The following USP32 variants were observed in gnomAD, a reference collection of about 807,000 sequenced individuals.
The protein encoded by USP32 is ubiquitin specific peptidase 32.
Under a neutral mutation model 204.8 loss-of-function variants are expected in USP32, and 59 were observed. That is an observed-to-expected ratio of 0.29 (90% CI 0.23 to 0.36). USP32 has a LOEUF of 0.36. USP32 is among the 10% of genes least tolerant of loss of function. The pLI is 1.00. For missense variants in USP32, 1,160 were observed against 1,946.4 expected, an observed-to-expected ratio of 0.60 and a Z score of 7.60; for synonymous variants, 517 against 678.4, an observed-to-expected ratio of 0.76 and a Z score of 3.70.
rs569143215 is a variant in USP32, at chr17:60,418,396, G to GTTT, written c.106+3847_106+3849dup. ...GTGTGAGCCACCGTGCCTGGCCTCT[G>GTTT]TTTTTTTTTTTTTTTTTTTTACTAT... On this transcript the variant is annotated intron_variant, in intron 1 of 3. Transcript: ENST00000588898. 8.9e-3 allele frequency among the ~76,000 whole-genome samples: 1,049 copies of GTTT among 118,392 alleles called. 26 individuals carry two copies. Among genetic ancestry groups the GTTT allele is most frequent in the African/African-American group, 0.028 (903 of 32,168 alleles). The allele number at this position is 118,392 out of a possible 152,430, so 77.7% of individuals were successfully genotyped here. A position where few individuals can be genotyped will look rare whatever the true frequency, so the allele number is the denominator to read the frequency against.
At chr17:60,187,487 G>A (rs1031679945) in intron 29 of USP32, among the ~76,000 whole-genome samples, 4 of 152,164 alleles carry the variant, frequency 2.6e-5, no homozygotes, top group African/African-American at 4.8e-5. Flanking sequence ...CTGCATCATC[G>A]TTGTTGGAAT....
rs375785521 is a variant in USP32 at position 60,254,715 on chromosome 17, A to G, written c.1074+460T>C. 2.0e-5 allele frequency among the ~76,000 whole-genome samples: 3 copies of G among 152,258 alleles called. No individual in the cohort carries two copies. In the East Asian group the frequency reaches 5.8e-4, roughly 29 times the overall value. ...TGCTGTCTCAAAATTAAAAATAATA[A>G]TGATAATAATAATAAAAGAAAAGAA... On this transcript the variant is annotated intron_variant, in intron 10 of 33. Transcript: ENST00000300896.
chr17:60,320,038 CT>C (rs1199975660), intron 2 of USP32, among the ~76,000 whole-genome samples: 2 of 152,146 alleles, frequency 1.3e-5, no homozygotes, highest in Non-Finnish European at 2.9e-5. Context: ...CATTGGAACT[CT>C]TCTCTCACAC....
At position 60,322,520 on chromosome 17, in the gene USP32, T is replaced by C. The variant is rs544433554; in HGVS notation, c.187-20816A>G. On this transcript the variant is annotated intron_variant, in intron 2 of 33. Coordinates refer to ENST00000300896, the MANE Select transcript of USP32 (RefSeq NM_032582.4). ...TATTTTAAAAATAGATTGTAATAAA[T>C]AGATGTAATTTCAGAAAAGTTCTGA... Among the ~76,000 whole-genome samples the C allele has an allele frequency of 2.0e-5, 3 of 152,212 alleles. No individual in the cohort carries two copies. The East Asian group carries it at 5.8e-4, about 29-fold the overall frequency.
chr17:60,375,514 C>T (rs1043060329), intron 1 of USP32, among the ~76,000 whole-genome samples: 6 of 152,186 alleles, frequency 3.9e-5, no homozygotes, highest in Non-Finnish European at 7.3e-5. Context: ...AAACCAAACA[C>T]GTCATATATG....
chr17:60,385,392 G>C (rs1270644224), intron 1 of USP32, among the ~76,000 whole-genome samples: 1 of 152,058 alleles, frequency 6.6e-6, no homozygotes, highest in Non-Finnish European at 1.5e-5. Flanking sequence ...TCTTCACATG[G>C]ACGCGCATGA....
intron 15 of USP32, among the ~76,000 whole-genome samples, chr17:60,222,025 A>G (rs2085265972): frequency 6.6e-6 from 1 of 152,182 alleles, no homozygotes; most frequent in Non-Finnish European, 1.5e-5. Flanking sequence ...CTACAAGAAG[A>G]ATCCAATCCC....
At chr17:60,224,432 C>T (rs1017074589) in intron 13 of USP32, among the ~76,000 whole-genome samples, 3 of 152,182 alleles carry the variant, frequency 2.0e-5, no homozygotes, top group African/African-American at 7.2e-5. Flanking sequence ...GAAGAAAATG[C>T]TAGCTCTGTC....
chr17:60,266,072 A>T lies in USP32; in HGVS notation c.831T>A (p.Asp277Glu). Residue 277 changes from aspartate (D) to glutamate (E), a missense_variant, in exon 8 of 34, where the codon GAT becomes GAA. This residue lies in a region of USP32 where 536 missense variants were observed against 680.9 expected (regional missense o/e 0.79). Transcript: ENST00000300896. ...ERQKFCFKVF[D>E]VDRDGVLSRV... The stretch of plus-strand genomic sequence containing the variant: ...TGGAGAGAACTCCATCACGGTCAAC[A>T]TCAAATACCTTGAAGCAAACTAATG... 16 of 1,613,950 alleles carry T rather than the reference A, an allele frequency of 9.9e-6. No individual in the cohort carries two copies. Among genetic ancestry groups the T allele is most frequent in the Non-Finnish European group, 1.3e-5 (15 of 1,179,878 alleles).
chr17:60,235,285 C>G (rs2085691577), intron 12 of USP32, among the ~76,000 whole-genome samples: 1 of 152,190 alleles, frequency 6.6e-6, no homozygotes, highest in African/African-American at 2.4e-5. Context: ...TCTCATTTTT[C>G]TACCTACACA....
At chr17:60,421,631 T>A in intron 1 of USP32, 1 of 973,390 alleles carries the variant, frequency 1.0e-6, no homozygotes, top group South Asian at 4.8e-5. Flanking sequence ...CCCCGCCGTG[T>A]GCCGCCCAGG....
intron 5 of USP32, among the ~76,000 whole-genome samples, chr17:60,287,896 G>A (rs982380475): frequency 6.6e-6 from 1 of 151,916 alleles, no homozygotes; most frequent in Non-Finnish European, 1.5e-5. Context: ...TGTGGATCAC[G>A]AGGTCAGGAA....
upstream of USP32, among the ~76,000 whole-genome samples, chr17:60,394,839 G>A (rs538341956): frequency 9.2e-5 from 14 of 152,160 alleles, no homozygotes; most frequent in South Asian, 2.7e-3. Flanking sequence ...TGCCTCCCAG[G>A]TTCCAGTGAT....
intron 5 of USP32, among the ~76,000 whole-genome samples, chr17:60,275,289 TCTACTAAAAATA>T (rs2086813322): frequency 6.6e-6 from 1 of 152,114 alleles, no homozygotes. Flanking sequence ...AAACGCCATC[TCTACTAAAAATA>T]CAAAAATTAG....
chr17:60,415,846 G>T (rs987608458), intron 1 of USP32, among the ~76,000 whole-genome samples: 5 of 151,926 alleles, frequency 3.3e-5, no homozygotes, highest in African/African-American at 1.2e-4. Flanking sequence ...TTGTTTATTT[G>T]TTTGTTTTTT....
chr17:60,369,565 A>G (rs2089396837), intron 1 of USP32, among the ~76,000 whole-genome samples: 1 of 152,162 alleles, frequency 6.6e-6, no homozygotes, highest in Admixed American at 6.5e-5. Flanking sequence ...TAAAAATGTA[A>G]AACTTCAGAA....
At chr17:60,402,555 A>G (rs1337172630) in intron 1 of USP32, among the ~76,000 whole-genome samples, 1 of 151,976 alleles carries the variant, frequency 6.6e-6, no homozygotes, top group Non-Finnish European at 1.5e-5. Flanking sequence ...GTCCTTATTG[A>G]TCAGTTATTC....
At chr17:60,227,707 C>A (rs753078386) in intron 12 of USP32, among the ~76,000 whole-genome samples, 11 of 151,962 alleles carry the variant, frequency 7.2e-5, no homozygotes, top group Non-Finnish European at 1.5e-4. Flanking sequence ...GCCACTGTGC[C>A]CAGTGGACAT....
intron 1 of USP32, among the ~76,000 whole-genome samples, chr17:60,356,626 G>GA (rs1210286519): frequency 1.3e-5 from 2 of 152,144 alleles, no homozygotes; most frequent in Non-Finnish European, 2.9e-5. Context: ...ATCAGACCAA[G>GA]AAAGTCACTA....
Sources: allele counts gnomAD v4.1 joint callset (sites outside exome capture counted in the v4.1 genomes callset), GRCh38; gene constraint gnomAD v4.1.1; regional missense constraint gnomAD v4.1.1; transcripts MANE v1.5; gene names NCBI Gene and HGNC (gene_info 2026-07-23, HGNC 2026-07-21).